Variants in TXNDC16 observed in about 807,000 individuals in gnomAD.
TXNDC16 encodes the protein thioredoxin domain-containing protein 16.
In TXNDC16, 74 loss-of-function variants were observed where a neutral mutation model predicts 85.6. That is an observed-to-expected ratio of 0.86 (90% CI 0.72 to 1.05). The LOEUF (loss-of-function observed/expected upper bound fraction) is 1.05. TXNDC16 is among the 50% of genes least tolerant of loss of function. TXNDC16 has a pLI of 0.00. For synonymous variants in TXNDC16, 335 were observed against 326.5 expected (o/e 1.03, Z -0.28); for missense variants, 959 against 947.0 (o/e 1.01, Z -0.17).
Position 52,514,885 on chromosome 14 carries a change from A to G in TXNDC16, c.600T>C (p.Ser200=), listed in dbSNP as rs767692754. 6.2e-7 allele frequency: 1 copy of G among 1,609,742 alleles called. No individual in the cohort carries two copies. The highest frequency in any genetic ancestry group is 8.5e-7 in the Non-Finnish European group (1 of 1,177,828). Residue 200 remains serine, a synonymous_variant, in exon 8 of 21, where the codon AGT becomes AGC. Coordinates refer to ENST00000281741, the MANE Select transcript of TXNDC16 (RefSeq NM_020784.3). ...VLTTEIALLE[S]IGSEDVEYAH... Reference sequence around the variant, plus strand: ...CATATGCTTTTTATACATACCCAATACTTTCCAAAAGGGCAATTTCTGTGG... The same window carrying G: ...CATATGCTTTTTATACATACCCAATGCTTTCCAAAAGGGCAATTTCTGTGG...
chr14:52,543,548 C>T lies in TXNDC16; in HGVS notation c.10G>A (p.Gly4Ser), dbSNP rs374350368. 6.2e-6 allele frequency: 10 copies of T among 1,612,626 alleles called. No homozygotes were observed. In the African/African-American group the frequency reaches 8.0e-5, roughly 13 times the overall value. Residue 4 changes from glycine (G) to serine (S), a missense_variant, in exon 3 of 21, where the codon GGC (glycine) becomes AGC (serine). By Grantham distance (56) the Gly-to-Ser change is moderately conservative (BLOSUM62 0). Coordinates refer to ENST00000281741, the MANE Select transcript of TXNDC16 (RefSeq NM_020784.3). ...ATCCCAACTCTAAAGACATTGAAGCCGGAAAACATTATCAGCTGCAGTTGT... is the reference window on the plus strand; with the variant it reads ...ATCCCAACTCTAAAGACATTGAAGCTGGAAAACATTATCAGCTGCAGTTGT... MFSGFNVFRVGISF... is the reference protein window; with the variant it reads MFSSFNVFRVGISF...
intron 7 of TXNDC16, among the ~76,000 whole-genome samples, chr14:52,517,986 T>C (rs948034393): frequency 2.6e-5 from 4 of 152,158 alleles, no homozygotes; most frequent in African/African-American, 9.7e-5. Context: ...TCTATACTGC[T>C]AGGTAGGCAT....
Position 52,543,479 on chromosome 14 carries a change from A to C in TXNDC16, c.79T>G (p.Ser27Ala), listed in dbSNP as rs374006280. The C allele has an allele frequency of 1.9e-6, 3 of 1,613,656 alleles. No individual in the cohort carries two copies. The African/African-American group carries it at 4.0e-5, about 22-fold the overall frequency. The change falls in exon 3 of 21, where the codon TCT becomes GCT. Residue 27 changes from serine (S) to alanine (A), a missense_variant. Coordinates refer to ENST00000281741, the MANE Select transcript of TXNDC16 (RefSeq NM_020784.3). ...MCIFYMPTVNSLPELSPQKYF... is the reference protein window; with the variant it reads ...MCIFYMPTVNALPELSPQKYF... Reference sequence around the variant, plus strand: ...TTCTGAGGACTCAGTTCTGGTAAAGAGTTTACTGTTGGCATGTAAAAAATG... The same window carrying C: ...TTCTGAGGACTCAGTTCTGGTAAAGCGTTTACTGTTGGCATGTAAAAAATG...
In TXNDC16 at chr14:52,507,618, T is replaced by C. The variant is rs558035884; in HGVS notation, c.756+3622A>G. Reference sequence around the variant, plus strand: ...CCCACATTGCCAAGTCAATCCTAAGTGAAAAGAACAAAGCTGGAGGCATCA... The same window carrying C: ...CCCACATTGCCAAGTCAATCCTAAGCGAAAAGAACAAAGCTGGAGGCATCA... On this transcript the variant is annotated intron_variant, in intron 9 of 20. Transcript: ENST00000281741. Among the ~76,000 whole-genome samples, 22 of 152,080 alleles carry C rather than the reference T, an allele frequency of 1.4e-4. No homozygotes were observed. The East Asian group carries it at 3.5e-3, about 24-fold the overall frequency.
chr14:52,537,081 C>G (rs2037720313), intron 5 of TXNDC16, among the ~76,000 whole-genome samples: 1 of 151,728 alleles, frequency 6.6e-6, no homozygotes. Context: ...CACACACACA[C>G]ACACACACAC....
At chr14:52,529,110 A>G in intron 6 of TXNDC16, among the ~76,000 whole-genome samples, 1 of 151,156 alleles carries the variant, frequency 6.6e-6, no homozygotes, top group Non-Finnish European at 1.5e-5. Flanking sequence ...GGATTAAGAA[A>G]ATGTGGCACA....
intron 18 of TXNDC16, among the ~76,000 whole-genome samples, chr14:52,445,291 TC>T (rs1282333634): frequency 1.3e-5 from 2 of 152,094 alleles, no homozygotes; most frequent in Non-Finnish European, 2.9e-5. Context: ...CATGAACATA[TC>T]AATTCAATGA....
chr14:52,435,387 T>A (rs955707881), intron 20 of TXNDC16, among the ~76,000 whole-genome samples: 2 of 151,852 alleles, frequency 1.3e-5, no homozygotes, highest in Non-Finnish European at 2.9e-5. Flanking sequence ...TTTGCTTCTA[T>A]AAAATAGCAA....
chr14:52,439,096 T>C, intron 20 of TXNDC16, 108 bp downstream of exon 20: 1 of 1,176,078 alleles, frequency 8.5e-7, no homozygotes, highest in South Asian at 1.4e-5. Context: ...TGGATGATGC[T>C]ACCAGCATTT....
intron 18 of TXNDC16, among the ~76,000 whole-genome samples, chr14:52,447,532 C>T (rs1000176890): frequency 2.0e-5 from 3 of 152,138 alleles, no homozygotes; most frequent in Non-Finnish European, 4.4e-5. Flanking sequence ...AGGGTGGTTG[C>T]GTCACTCCAC....
chr14:52,528,962 TATA>T (rs1413110000), intron 6 of TXNDC16, among the ~76,000 whole-genome samples: 8 of 147,742 alleles, frequency 5.4e-5, no homozygotes, highest in Non-Finnish European at 1.2e-4. Flanking sequence ...ATATTATCTA[TATA>T]ATACCTATTC....
At chr14:52,510,697 T>A (rs537913057) in intron 9 of TXNDC16, among the ~76,000 whole-genome samples, 44 of 152,340 alleles carry the variant, frequency 2.9e-4, no homozygotes, top group Middle Eastern at 3.4e-3. Context: ...TACTAAAGAT[T>A]TTACATGTGC....
intron 20 of TXNDC16, among the ~76,000 whole-genome samples, chr14:52,434,315 C>A (rs147746352): frequency 1.3e-5 from 2 of 152,220 alleles, no homozygotes; most frequent in African/African-American, 4.8e-5. Context: ...TGAAACATCC[C>A]AATTCTGCTA....
intron 7 of TXNDC16, among the ~76,000 whole-genome samples, chr14:52,518,584 C>G (rs1472092417): frequency 6.6e-6 from 1 of 152,154 alleles, no homozygotes; most frequent in Non-Finnish European, 1.5e-5. Context: ...ACTGCCATCA[C>G]CCTGGTCCAA....
intron 20 of TXNDC16, among the ~76,000 whole-genome samples, chr14:52,433,277 T>C (rs1445914963): frequency 6.6e-6 from 1 of 152,158 alleles, no homozygotes; most frequent in Non-Finnish European, 1.5e-5. Flanking sequence ...TTTTAAAATA[T>C]TGGTTATTGA....
At chr14:52,537,069 A>ATC (rs1417519610) in intron 5 of TXNDC16, among the ~76,000 whole-genome samples, 4 of 96,202 alleles carry the variant, frequency 4.2e-5, no homozygotes, top group African/African-American at 2.0e-4. Flanking sequence ...CCAACTCACA[A>ATC]TCACACACAC....
intron 6 of TXNDC16, among the ~76,000 whole-genome samples, chr14:52,525,227 T>G (rs1004045684): frequency 3.9e-5 from 6 of 152,122 alleles, no homozygotes; most frequent in Non-Finnish European, 5.9e-5. Context: ...TAAATAAAAC[T>G]TCCTGCATTT....
In TXNDC16 at chr14:52,489,215, T is replaced by C. The variant is rs563382174; in HGVS notation, c.985-729A>G. 2.6e-4 allele frequency among the ~76,000 whole-genome samples: 40 copies of C among 152,348 alleles called. No homozygotes were observed. The South Asian group carries it at 8.1e-3, about 31-fold the overall frequency. On this transcript the variant is annotated intron_variant, in intron 11 of 20. Coordinates refer to ENST00000281741, the MANE Select transcript of TXNDC16 (RefSeq NM_020784.3). ...CATCTAAATTAATTCCACTAATAAG[T>C]TCAATTTCCTGTTTAGCTATAAACA...
chr14:52,500,967 T>C (rs1034338743), intron 9 of TXNDC16, among the ~76,000 whole-genome samples: 4 of 152,214 alleles, frequency 2.6e-5, no homozygotes, highest in Non-Finnish European at 5.9e-5. Flanking sequence ...ACTGAATCCA[T>C]CATGGAGAAA....
Sources: allele counts gnomAD v4.1 joint callset (sites outside exome capture counted in the v4.1 genomes callset), GRCh38; gene constraint gnomAD v4.1.1; transcripts MANE v1.5; gene names NCBI Gene and HGNC (gene_info 2026-07-23, HGNC 2026-07-21).